The following MARCHF1 variants were observed in gnomAD, a reference collection of about 807,000 sequenced individuals.
MARCHF1 encodes membrane associated ring-CH-type finger 1.
In MARCHF1, 40 loss-of-function variants were observed where a neutral mutation model predicts 54.2. That is an observed-to-expected ratio of 0.74 (90% CI 0.57 to 0.96). MARCHF1 has a LOEUF of 0.96. MARCHF1 is among the 40% of genes least tolerant of loss of function. The probability of loss-of-function intolerance (pLI) is 0.00; values close to 1 mark genes in which losing one functional copy is unlikely to be tolerated. For missense variants in MARCHF1, 586 were observed against 656.5 expected (o/e 0.89, Z 1.17); for synonymous variants, 236 against 236.3 (o/e 1.00, Z 0.01).
intron 2 of MARCHF1, among the ~76,000 whole-genome samples, chr4:164,053,183 C>T (rs1020016489): frequency 1.3e-5 from 2 of 152,048 alleles, no homozygotes; most frequent in African/African-American, 4.8e-5. Flanking sequence ...TCTTTTAAAA[C>T]TTTGCTTGAG....
In MARCHF1 at chr4:164,291,203, A is replaced by G. The variant is rs148130421; in HGVS notation, c.-323+92667T>C. Among the ~76,000 whole-genome samples, 665 of 152,122 alleles carry G rather than the reference A, an allele frequency of 4.4e-3. 4 individuals carry two copies. Among genetic ancestry groups the G allele is most frequent in the African/African-American group, 9.9e-3 (411 of 41,564 alleles). On this transcript the variant is annotated intron_variant, in intron 1 of 9. Coordinates refer to ENST00000514618, the MANE Select transcript of MARCHF1 (RefSeq NM_001394959.1). The stretch of plus-strand genomic sequence containing the variant: ...TTTTCTATCCTGATTTTATAATTTG[A>G]CATTATAAAGCAGCATTTTTGATTA...
At chr4:164,184,464 A>G (rs1730914075) in intron 1 of MARCHF1, among the ~76,000 whole-genome samples, 1 of 152,204 alleles carries the variant, frequency 6.6e-6, no homozygotes, top group African/African-American at 2.4e-5. Context: ...TTACATGTCC[A>G]TTGTTACATA....
chr4:163,550,170 T>G (rs1382729968), intron 8 of MARCHF1, among the ~76,000 whole-genome samples: 1 of 150,840 alleles, frequency 6.6e-6, no homozygotes, highest in Non-Finnish European at 1.5e-5. Context: ...TAGTCCCAGC[T>G]ACTCGGAAGG....
chr4:163,711,240 A>G (rs1745097276), intron 4 of MARCHF1, among the ~76,000 whole-genome samples: 1 of 152,174 alleles, frequency 6.6e-6, no homozygotes, highest in Non-Finnish European at 1.5e-5. Context: ...GGAAAGACCC[A>G]TTGCTTATTA....
At chr4:163,964,649 C>T (rs1472294615) in intron 3 of MARCHF1, among the ~76,000 whole-genome samples, 1 of 151,854 alleles carries the variant, frequency 6.6e-6, no homozygotes, top group Non-Finnish European at 1.5e-5. Flanking sequence ...TTTGTCTCCT[C>T]TGCTCTTCAC....
intron 8 of MARCHF1, 128 bp from the exon 9 acceptor site, chr4:163,545,871 T>A: frequency 2.7e-6 from 2 of 754,270 alleles, no homozygotes; most frequent in South Asian, 1.7e-5. Context: ...GATGACACTG[T>A]AATATTCAAA....
intron 4 of MARCHF1, among the ~76,000 whole-genome samples, chr4:163,751,678 A>C (rs1349345596): frequency 6.6e-6 from 1 of 152,218 alleles, no homozygotes; most frequent in Non-Finnish European, 1.5e-5. Context: ...AAAGACAGTA[A>C]AGACAGACTT....
At chr4:163,862,324 T>C (rs1009047190) in intron 3 of MARCHF1, among the ~76,000 whole-genome samples, 1 of 152,072 alleles carries the variant, frequency 6.6e-6, no homozygotes, top group Non-Finnish European at 1.5e-5. Flanking sequence ...AAAGGACTTG[T>C]ATTCCAAACA....
intron 2 of MARCHF1, among the ~76,000 whole-genome samples, chr4:164,098,324 A>C (rs1402236791): frequency 6.6e-6 from 1 of 152,208 alleles, no homozygotes; most frequent in Admixed American, 6.5e-5. Context: ...AGCTTCTTCT[A>C]AATCTAATGG....
At chr4:163,843,985 T>TA (rs548148598) in intron 4 of MARCHF1, among the ~76,000 whole-genome samples, 2 of 152,106 alleles carry the variant, frequency 1.3e-5, no homozygotes, top group Non-Finnish European at 2.9e-5. Context: ...TTTTCTTTTT[T>TA]AAAAAACTTT....
chr4:164,305,792 G>A (rs1019457696), intron 1 of MARCHF1, among the ~76,000 whole-genome samples: 1 of 152,064 alleles, frequency 6.6e-6, no homozygotes, highest in Non-Finnish European at 1.5e-5. Context: ...AATGACAAAT[G>A]TTCCAGACGA....
chr4:164,050,715 C>G (rs1277952002), intron 2 of MARCHF1, among the ~76,000 whole-genome samples: 2 of 152,034 alleles, frequency 1.3e-5, no homozygotes, highest in Non-Finnish European at 2.9e-5. Context: ...GGCGGATCAC[C>G]TGAGGTCAGG....
intron 1 of MARCHF1, among the ~76,000 whole-genome samples, chr4:164,326,984 T>TGC (rs1561003677): frequency 6.6e-6 from 1 of 151,568 alleles, no homozygotes; most frequent in Non-Finnish European, 1.5e-5. Flanking sequence ...TGTGTGTGTG[T>TGC]GTGTGTGTGT....
intron 2 of MARCHF1, among the ~76,000 whole-genome samples, chr4:164,062,537 T>G (rs1191771999): frequency 6.6e-6 from 1 of 152,104 alleles, no homozygotes; most frequent in Non-Finnish European, 1.5e-5. Context: ...ATTTATTTAT[T>G]TATTGGAGAC....
intron 2 of MARCHF1, among the ~76,000 whole-genome samples, chr4:164,011,878 C>T (rs905604200): frequency 6.6e-6 from 1 of 151,930 alleles, no homozygotes; most frequent in Admixed American, 6.6e-5. Flanking sequence ...CTCCAGGCAG[C>T]ACAGATGGGG....
At chr4:163,866,900 A>G (rs1357151010) in intron 3 of MARCHF1, among the ~76,000 whole-genome samples, 2 of 152,040 alleles carry the variant, frequency 1.3e-5, no homozygotes, top group African/African-American at 2.4e-5. Context: ...CCTTGAGGAC[A>G]TGTTACTCTC....
At chr4:163,723,901 T>G (rs34119766) in intron 4 of MARCHF1, among the ~76,000 whole-genome samples, 1 of 151,968 alleles carries the variant, frequency 6.6e-6, no homozygotes, top group Non-Finnish European at 1.5e-5. Flanking sequence ...TTCTCTACAC[T>G]GGTTATTTTA....
chr4:163,761,524 A>AAGG (rs386402117), intron 4 of MARCHF1, among the ~76,000 whole-genome samples: 1 of 151,938 alleles, frequency 6.6e-6, no homozygotes, highest in African/African-American at 2.4e-5. Context: ...TAAGTGGAAG[A>AAGG]AGTTGTAGGT....
At chr4:163,883,708 G>C (rs1437774254) in intron 3 of MARCHF1, among the ~76,000 whole-genome samples, 1 of 152,092 alleles carries the variant, frequency 6.6e-6, no homozygotes, top group East Asian at 1.9e-4. Flanking sequence ...GGGCATACTT[G>C]TTCTAAAAAT....
Sources: allele counts gnomAD v4.1 joint callset (sites outside exome capture counted in the v4.1 genomes callset), GRCh38; gene constraint gnomAD v4.1.1; transcripts MANE v1.5; gene names NCBI Gene and HGNC (gene_info 2026-07-23, HGNC 2026-07-21).